The following NEK7 variants were observed in gnomAD, a reference collection of about 807,000 sequenced individuals.
NEK7 encodes the protein NIMA related kinase 7.
NEK7 carries 18 observed loss-of-function variants against 44.6 expected under a neutral mutation model. The observed-to-expected ratio is 0.40, with a 90% CI of 0.28 to 0.60. The LOEUF is 0.60. NEK7 is among the 20% of genes least tolerant of loss of function. The probability of loss-of-function intolerance (pLI) is 0.38; values close to 1 mark genes in which losing one functional copy is unlikely to be tolerated. For missense variants in NEK7, 256 were observed against 366.5 expected, an observed-to-expected ratio of 0.70 and a Z score of 2.46; for synonymous variants, 130 against 121.1, an observed-to-expected ratio of 1.07 and a Z score of -0.48.
intron 2 of NEK7, among the ~76,000 whole-genome samples, chr1:198,238,788 A>T (rs1026819224): frequency 6.6e-6 from 1 of 152,192 alleles, no homozygotes; most frequent in African/African-American, 2.4e-5. Context: ...TTCACAGAGA[A>T]ATCTCAAACA....
intron 7 of NEK7, among the ~76,000 whole-genome samples, chr1:198,290,262 C>T (rs540137669): frequency 6.6e-6 from 1 of 152,282 alleles, no homozygotes; most frequent in East Asian, 1.9e-4. Context: ...TCATATCACT[C>T]CATAACTCTC....
At chr1:198,164,550 G>A (rs553918497) in intron 1 of NEK7, among the ~76,000 whole-genome samples, 42 of 152,282 alleles carry the variant, frequency 2.8e-4, no homozygotes, top group African/African-American at 9.1e-4. Context: ...AGTGCATATG[G>A]GAGTTAGAGT....
At chr1:198,250,186 T>G (rs1405040120) in intron 2 of NEK7, among the ~76,000 whole-genome samples, 9 of 149,450 alleles carry the variant, frequency 6.0e-5, no homozygotes, top group Non-Finnish European at 1.3e-4. Flanking sequence ...GATCAGATAG[T>G]TGTAGATATG....
At position 198,232,506 on chromosome 1, in the gene NEK7, A is replaced by G. The variant is rs1389426189; in HGVS notation, c.-28-47A>G. 1.6e-5 allele frequency: 14 copies of G among 850,824 alleles called. No individual in the cohort carries two copies. In the South Asian group the frequency reaches 1.8e-4, roughly 11 times the overall value. The allele number at this position is 850,824 out of a possible 1,614,324, so 52.7% of individuals were successfully genotyped here. A position where few individuals can be genotyped will look rare whatever the true frequency, so the allele number is the denominator to read the frequency against. ...TGTCGGTGTATGATGAATGATGTGA[A>G]TTGGTAATGATTACATTATTTAAAT... is the stretch of plus-strand genomic sequence containing the variant. On this transcript the variant is annotated intron_variant, in intron 1 of 9. Coordinates refer to ENST00000367385, the MANE Select transcript of NEK7 (RefSeq NM_133494.3).
At chr1:198,157,958 G>A (rs1263439298) in intron 1 of NEK7, among the ~76,000 whole-genome samples, 3 of 152,310 alleles carry the variant, frequency 2.0e-5, no homozygotes, top group African/African-American at 7.2e-5. Context: ...GTAGCCAAAG[G>A]AAAACAGAGA....
intron 1 of NEK7, among the ~76,000 whole-genome samples, chr1:198,174,536 A>C (rs893152431): frequency 6.6e-6 from 1 of 152,150 alleles, no homozygotes; most frequent in Non-Finnish European, 1.5e-5. Context: ...TTATACATTA[A>C]ATAGACTCTT....
chr1:198,320,244 T>C lies in NEK7; in HGVS notation c.*722T>C, dbSNP rs1399421751. On this transcript the variant is annotated 3_prime_UTR_variant, in exon 10 of 10. Transcript: ENST00000367385. ...TTTAAAAAGTGGTTAAGGATTTGTT[T>C]AGCTGGTGTGATAATAATTTTTAAA... The C allele has an allele frequency of 6.6e-6, 1 of 152,182 alleles. No individual in the cohort carries two copies. The highest frequency in any genetic ancestry group is 1.5e-5 in the Non-Finnish European group (1 of 68,002). The allele number at this position is 152,182 out of a possible 1,614,324, so 9.4% of individuals were successfully genotyped here. A position where few individuals can be genotyped will look rare whatever the true frequency, so the allele number is the denominator to read the frequency against.
intron 1 of NEK7, chr1:198,220,733 G>A (rs1395931395): frequency 1.3e-5 from 2 of 152,004 alleles, no homozygotes; most frequent in African/African-American, 2.4e-5. Flanking sequence ...ACTCTGCCAA[G>A]TATCAGTCAC....
rs370856543 is a variant in NEK7 at position 198,230,761 on chromosome 1, C to T, written c.-28-1792C>T. Among the ~76,000 whole-genome samples, 21 of 151,966 alleles carry T rather than the reference C, an allele frequency of 1.4e-4. No individual in the cohort carries two copies. The East Asian group carries it at 3.1e-3, about 22-fold the overall frequency. On this transcript the variant is annotated intron_variant, in intron 1 of 9. Coordinates refer to ENST00000367385, the MANE Select transcript of NEK7 (RefSeq NM_133494.3). Reference sequence around the variant, plus strand: ...AGATACAGGGTCAATATACAAAAAACGTTTTATTCCTATATACTAACAATC... The same window carrying T: ...AGATACAGGGTCAATATACAAAAAATGTTTTATTCCTATATACTAACAATC...
chr1:198,274,078 G>C (rs970041106), intron 5 of NEK7, among the ~76,000 whole-genome samples: 71 of 150,992 alleles, frequency 4.7e-4, no homozygotes, highest in African/African-American at 1.6e-3. Context: ...AGCAGGAAAT[G>C]CTTCCTTATA....
At chr1:198,228,000 A>G (rs1483904620) in intron 1 of NEK7, among the ~76,000 whole-genome samples, 2 of 152,108 alleles carry the variant, frequency 1.3e-5, no homozygotes, top group African/African-American at 4.8e-5. Flanking sequence ...TTATGGTTTC[A>G]GGTCTAACAT....
rs1248715704 is a variant in NEK7, at chr1:198,314,330, TC to T, written c.799-5081del. 2.6e-5 allele frequency among the ~76,000 whole-genome samples: 4 copies of T among 152,288 alleles called. No individual in the cohort carries two copies. In the East Asian group the frequency reaches 7.7e-4, roughly 29 times the overall value. The stretch of plus-strand genomic sequence containing the variant: ...TGTAATGGTTATTCTAGTTATACAT[TC>T]TTCTAAATTTTTTTCAAAGTTTTCA... On this transcript the variant is annotated intron_variant, in intron 9 of 9. Transcript: ENST00000367385.
intron 5 of NEK7, among the ~76,000 whole-genome samples, chr1:198,277,101 G>T (rs1339136209): frequency 6.6e-6 from 1 of 151,628 alleles, no homozygotes; most frequent in Admixed American, 6.6e-5. Context: ...ATTCATGTTG[G>T]TCATTTATAG....
intron 2 of NEK7, among the ~76,000 whole-genome samples, chr1:198,236,032 G>T (rs1468719404): frequency 6.6e-6 from 1 of 152,088 alleles, no homozygotes; most frequent in Non-Finnish European, 1.5e-5. Flanking sequence ...TTGCATCTCT[G>T]TGGAGTGACT....
chr1:198,292,736 A>C (rs901006311), intron 7 of NEK7, among the ~76,000 whole-genome samples: 2 of 151,904 alleles, frequency 1.3e-5, no homozygotes, highest in Admixed American at 6.6e-5. Context: ...AACCCACCAC[A>C]TTGTTTAGTG....
At chr1:198,317,267 C>T (rs776406668) in intron 9 of NEK7, among the ~76,000 whole-genome samples, 12 of 152,186 alleles carry the variant, frequency 7.9e-5, no homozygotes, top group Non-Finnish European at 1.8e-4. Flanking sequence ...GAAAAGCAAA[C>T]TCCAAGGTGC....
At chr1:198,225,959 A>G (rs1421591126) in intron 1 of NEK7, among the ~76,000 whole-genome samples, 1 of 152,158 alleles carries the variant, frequency 6.6e-6, no homozygotes, top group Non-Finnish European at 1.5e-5. Context: ...TGACATGCGT[A>G]CATGCATTCA....
rs202166576 is a variant in NEK7 at position 198,248,608 on chromosome 1, C to T, written c.58-4432C>T. Among the ~76,000 whole-genome samples, 10 of 152,230 alleles carry T rather than the reference C, an allele frequency of 6.6e-5. No individual in the cohort carries two copies. The South Asian group carries it at 1.7e-3, about 25-fold the overall frequency. On this transcript the variant is annotated intron_variant, in intron 2 of 9. Transcript: ENST00000367385. Reference sequence around the variant, plus strand: ...TATCAAAAAATGTTATTTAATGATGCGGTAGTAAACTTCTTGACACTGGAC... The same window carrying T: ...TATCAAAAAATGTTATTTAATGATGTGGTAGTAAACTTCTTGACACTGGAC...
chr1:198,266,337 ATAGT>A (rs975859999), intron 5 of NEK7, among the ~76,000 whole-genome samples: 7 of 152,126 alleles, frequency 4.6e-5, no homozygotes, highest in Non-Finnish European at 1.0e-4. Context: ...AGTCCCTTAA[ATAGT>A]TAGTACCAAT....
Sources: gnomAD v4.1 joint callset for allele counts (sites outside exome capture counted in the v4.1 genomes callset) on GRCh38, gnomAD v4.1.1 for gene constraint, MANE v1.5 for transcripts, NCBI Gene and HGNC (gene_info 2026-07-23, HGNC 2026-07-21) for gene names.